The following AGBL4 variants were observed in gnomAD, a reference collection of about 807,000 sequenced individuals.
AGBL4 encodes AGBL carboxypeptidase 4.
In AGBL4, 58 loss-of-function variants were observed where a neutral mutation model predicts 66.4. The ratio of observed to expected loss-of-function variants is 0.87; its 90% CI spans 0.71 to 1.09. AGBL4 has a LOEUF of 1.09. AGBL4 is among the 50% of genes least tolerant of loss of function. The pLI, the probability that AGBL4 is intolerant of heterozygous loss-of-function variation, is 0.00. For synonymous variants in AGBL4, 234 were observed against 222.9 expected (o/e 1.05, Z -0.44); for missense variants, 579 against 631.0 (o/e 0.92, Z 0.88).
intron 6 of AGBL4, among the ~76,000 whole-genome samples, chr1:48,722,915 A>G (rs746519245): frequency 9.2e-5 from 14 of 152,212 alleles, no homozygotes; most frequent in Non-Finnish European, 1.9e-4. Context: ...TGCCTAGAAT[A>G]CTTTACTCAC....
intron 3 of AGBL4, among the ~76,000 whole-genome samples, chr1:49,259,320 T>A (rs1186634435): frequency 2.6e-5 from 4 of 151,958 alleles, no homozygotes; most frequent in African/African-American, 4.8e-5. Flanking sequence ...TAACTTTAAA[T>A]GTAAATGGAC....
intron 6 of AGBL4, among the ~76,000 whole-genome samples, chr1:48,681,128 T>G (rs932312207): frequency 1.3e-5 from 2 of 152,204 alleles, no homozygotes; most frequent in Admixed American, 1.3e-4. Context: ...ACCAATACTT[T>G]CCTTATTGGA....
chr1:49,231,577 T>A (rs1240820941), intron 4 of AGBL4, among the ~76,000 whole-genome samples: 1 of 152,176 alleles, frequency 6.6e-6, no homozygotes, highest in East Asian at 1.9e-4. Context: ...AGTATTTAAG[T>A]GGTGTCACCA....
intron 1 of AGBL4, among the ~76,000 whole-genome samples, chr1:49,964,834 CT>C (rs1230986038): frequency 1.5e-4 from 23 of 152,212 alleles, no homozygotes; most frequent in Admixed American, 7.2e-4. Flanking sequence ...GTTAAGATGA[CT>C]TAACTCTAAC....
intron 5 of AGBL4, among the ~76,000 whole-genome samples, chr1:48,932,066 C>T (rs553736584): frequency 1.3e-5 from 2 of 152,204 alleles, no homozygotes; most frequent in African/African-American, 4.8e-5. Context: ...CAGGATGGTC[C>T]CTCTCTCCAC....
chr1:49,729,033 A>C (rs1265763252), intron 2 of AGBL4, among the ~76,000 whole-genome samples: 5 of 152,200 alleles, frequency 3.3e-5, no homozygotes, highest in African/African-American at 1.2e-4. Flanking sequence ...AGAAAAGTGC[A>C]CACAATCATG....
intron 1 of AGBL4, among the ~76,000 whole-genome samples, chr1:49,874,316 A>C (rs1330893550): frequency 2.6e-5 from 4 of 152,128 alleles, no homozygotes; most frequent in African/African-American, 4.8e-5. Flanking sequence ...AAAAAGTCTA[A>C]ACCATAAAAG....
At chr1:49,002,903 A>G (rs1661498503) in intron 5 of AGBL4, among the ~76,000 whole-genome samples, 1 of 152,212 alleles carries the variant, frequency 6.6e-6, no homozygotes, top group African/African-American at 2.4e-5. Context: ...GATGCTCTGC[A>G]GGGTTGTGTA....
At chr1:49,194,278 C>CT (rs11296732) in intron 4 of AGBL4, among the ~76,000 whole-genome samples, 7 of 151,834 alleles carry the variant, frequency 4.6e-5, no homozygotes, top group Admixed American at 1.3e-4. Flanking sequence ...CCTTTCTTGT[C>CT]TTTTTTTTTA....
chr1:49,929,324 GA>G (rs1055520847), intron 1 of AGBL4, among the ~76,000 whole-genome samples: 9 of 147,990 alleles, frequency 6.1e-5, no homozygotes, highest in East Asian at 3.9e-4. Context: ...AGTTGAAATT[GA>G]AAAAAAAATC....
At chr1:49,510,499 G>A (rs1649120456) in intron 3 of AGBL4, among the ~76,000 whole-genome samples, 1 of 150,496 alleles carries the variant, frequency 6.6e-6, no homozygotes, top group Admixed American at 6.6e-5. Context: ...TGTCAGATGA[G>A]TAGGTTGCAA....
intron 4 of AGBL4, among the ~76,000 whole-genome samples, chr1:49,207,542 T>TTTCTTTCTTTCTTC (rs1217267952): frequency 1.3e-5 from 1 of 77,974 alleles, no homozygotes; most frequent in African/African-American, 4.9e-5. Flanking sequence ...TTTTTCTTTC[T>TTTCTTTCTTTCTTC]TTTCTTTCTT....
chr1:49,154,769 A>G (rs1465498647), intron 4 of AGBL4, among the ~76,000 whole-genome samples: 2 of 152,174 alleles, frequency 1.3e-5, no homozygotes, highest in Admixed American at 6.6e-5. Flanking sequence ...AATAAGCAAT[A>G]TATTTGAATC....
chr1:49,626,373 CT>C (rs1022840114), intron 3 of AGBL4, among the ~76,000 whole-genome samples: 2 of 152,214 alleles, frequency 1.3e-5, no homozygotes, highest in South Asian at 2.1e-4. Flanking sequence ...TCATGAAATG[CT>C]TTTTTTCTAT....
At chr1:49,013,559 G>A (rs1309462074) in intron 5 of AGBL4, among the ~76,000 whole-genome samples, 1 of 152,148 alleles carries the variant, frequency 6.6e-6, no homozygotes, top group Non-Finnish European at 1.5e-5. Context: ...GGCTCCATCT[G>A]TCCCAGAAGA....
At chr1:49,189,793 G>A (rs887912879) in intron 4 of AGBL4, among the ~76,000 whole-genome samples, 4 of 152,106 alleles carry the variant, frequency 2.6e-5, no homozygotes, top group Non-Finnish European at 5.9e-5. Flanking sequence ...AATTTTTCAG[G>A]TGGGTATGAA....
At chr1:49,741,570 T>C (rs1244961260) in intron 2 of AGBL4, among the ~76,000 whole-genome samples, 1 of 152,138 alleles carries the variant, frequency 6.6e-6, no homozygotes, top group Non-Finnish European at 1.5e-5. Flanking sequence ...ATCATCCTGA[T>C]ACCAAAGCCT....
intron 6 of AGBL4, among the ~76,000 whole-genome samples, chr1:48,712,467 A>G (rs1355173384): frequency 6.6e-6 from 1 of 152,080 alleles, no homozygotes; most frequent in Non-Finnish European, 1.5e-5. Flanking sequence ...TTTACCTCTC[A>G]ATGTTGTTGT....
Position 49,897,715 on chromosome 1 carries a change from G to A in AGBL4, c.35-46197C>T, listed in dbSNP as rs185099611. 8.6e-5 allele frequency among the ~76,000 whole-genome samples: 13 copies of A among 151,968 alleles called. No individual in the cohort carries two copies. In the East Asian group the frequency reaches 1.5e-3, roughly 18 times the overall value. On this transcript the variant is annotated intron_variant, in intron 1 of 13. Coordinates refer to ENST00000371839, the MANE Select transcript of AGBL4 (RefSeq NM_032785.4). ...CTGACTTCAAATTATACTACAGAGC[G>A]ATAGTAACTCAAACAGCATGATAAT...
Sources: gnomAD v4.1 joint callset for allele counts (sites outside exome capture counted in the v4.1 genomes callset) on GRCh38, gnomAD v4.1.1 for gene constraint, MANE v1.5 for transcripts, NCBI Gene and HGNC (gene_info 2026-07-23, HGNC 2026-07-21) for gene names.